PRKG1: variants seen among roughly 807,000 people sequenced by gnomAD.
The protein encoded by PRKG1 is protein kinase cGMP-dependent 1.
In PRKG1, 35 loss-of-function variants were observed where a neutral mutation model predicts 88.1. The observed-to-expected ratio is 0.40, with a 90% CI of 0.30 to 0.53. The LOEUF (loss-of-function observed/expected upper bound fraction) is 0.53, where lower values mean the gene tolerates loss of function less well. PRKG1 is among the 20% of genes least tolerant of loss of function. PRKG1 has a pLI of 0.59. For missense variants in PRKG1, 540 were observed against 839.8 expected, an observed-to-expected ratio of 0.64 and a Z score of 4.41; for synonymous variants, 303 against 292.5, an observed-to-expected ratio of 1.04 and a Z score of -0.37.
intron 2 of PRKG1, among the ~76,000 whole-genome samples, chr10:51,216,345 G>A (rs2132082197): frequency 6.6e-6 from 1 of 152,258 alleles, no homozygotes; most frequent in South Asian, 2.1e-4. Context: ...ACATGTTATT[G>A]CTCCCATTTT....
At position 51,053,284 on chromosome 10, in the gene PRKG1, CATAA is replaced by C. The variant is rs1843588364; in HGVS notation, c.266+61641_266+61644del. ...AAAAAACCATTTTCCACCGCCACCT[CATAA>C]TTCTAAGCACTAATTACTGTTCCCA... On this transcript the variant is annotated intron_variant, in intron 1 of 17. Transcript: ENST00000401604. Among the ~76,000 whole-genome samples, 3 of 151,902 alleles carry C rather than the reference CATAA, an allele frequency of 2.0e-5. No homozygotes were observed. The South Asian group carries it at 6.2e-4, about 32-fold the overall frequency.
chr10:51,674,417 A>G (rs183780919), intron 3 of PRKG1, among the ~76,000 whole-genome samples: 1 of 152,162 alleles, frequency 6.6e-6, no homozygotes, highest in East Asian at 1.9e-4. Flanking sequence ...GGTGTTTGGC[A>G]TAGGACTGGG....
intron 1 of PRKG1, among the ~76,000 whole-genome samples, chr10:51,088,053 C>G (rs1487511018): frequency 6.6e-6 from 1 of 152,196 alleles, no homozygotes. Flanking sequence ...GGGTGAGCCA[C>G]TGTATCCAAC....
chr10:51,712,580 C>CTTTTTTT (rs60053336), intron 3 of PRKG1, among the ~76,000 whole-genome samples: 3 of 96,006 alleles, frequency 3.1e-5, no homozygotes, highest in African/African-American at 4.1e-5. Flanking sequence ...AATATTATTC[C>CTTTTTTT]TTTTTTTTTT....
intron 1 of PRKG1, among the ~76,000 whole-genome samples, chr10:51,055,901 C>T (rs758646931): frequency 4.6e-5 from 7 of 152,138 alleles, no homozygotes; most frequent in Non-Finnish European, 8.8e-5. Context: ...CTGTTCCTTT[C>T]CTCCTTTTCT....
At chr10:51,672,090 A>G in intron 3 of PRKG1, among the ~76,000 whole-genome samples, 1 of 151,946 alleles carries the variant, frequency 6.6e-6, no homozygotes, top group Non-Finnish European at 1.5e-5. Flanking sequence ...ATATTTTTAC[A>G]TGTGGATTTC....
rs1564564445 is a variant in PRKG1 at position 50,991,926 on chromosome 10, C to A, written c.266+282C>A. ...GGAGGAGGACCGCGGAAAGTTTACT[C>A]GCGCGGGCTAACTTGTGCCCTCCAC... On this transcript the variant is annotated intron_variant, in intron 1 of 17. Coordinates refer to the PRKG1 transcript ENST00000401604. The surrounding 1 kb of genome is among the most constrained non-coding windows in gnomAD (Gnocchi z 4.5). Among the ~76,000 whole-genome samples, 1 of 151,898 alleles carries A rather than the reference C, an allele frequency of 6.6e-6. No homozygotes were observed. Among genetic ancestry groups the A allele is most frequent in the Non-Finnish European group, 1.5e-5 (1 of 67,942 alleles).
At chr10:51,474,137 GTGT>G (rs931431181) in intron 3 of PRKG1, among the ~76,000 whole-genome samples, 3 of 152,020 alleles carry the variant, frequency 2.0e-5, no homozygotes, top group Admixed American at 2.0e-4. Context: ...TTAGGGATGG[GTGT>G]TGTTGTTACC....
intron 7 of PRKG1, among the ~76,000 whole-genome samples, chr10:52,133,401 A>C (rs543859252): frequency 6.6e-6 from 1 of 152,148 alleles, no homozygotes; most frequent in African/African-American, 2.4e-5. Context: ...TAAGGAAATA[A>C]TTTAAACAGA....
chr10:51,501,911 A>C (rs573953471), intron 3 of PRKG1, among the ~76,000 whole-genome samples: 1 of 151,726 alleles, frequency 6.6e-6, no homozygotes, highest in African/African-American at 2.4e-5. Flanking sequence ...GATCGTGATA[A>C]GAAGGTATCT....
chr10:51,686,281 T>C (rs1840988592), intron 3 of PRKG1, among the ~76,000 whole-genome samples: 1 of 152,196 alleles, frequency 6.6e-6, no homozygotes, highest in Non-Finnish European at 1.5e-5. Context: ...AAGGCATTTT[T>C]TTCTGATCCT....
At position 50,991,357 on chromosome 10, in the gene PRKG1, C is replaced by T. The variant is rs766425109; in HGVS notation, c.-22C>T. The T allele has an allele frequency of 9.3e-6, 14 of 1,497,722 alleles. No homozygotes were observed. In the East Asian group the frequency reaches 3.4e-4, roughly 36 times the overall value. 92.8% of individuals were successfully genotyped at this position (1,497,722 alleles called of 1,614,324 possible). A position where few individuals can be genotyped will look rare whatever the true frequency, so the allele number is the denominator to read the frequency against. ...GCCGCCGCCGCCCGAGAAAAAGTTTCGCGGAGGGGCTCAGTGAAAAAATGA... is the reference window on the plus strand; with the variant it reads ...GCCGCCGCCGCCCGAGAAAAAGTTTTGCGGAGGGGCTCAGTGAAAAAATGA... On this transcript the variant is annotated 5_prime_UTR_variant, in exon 1 of 18. Transcript: ENST00000401604. This position sits in a 1 kb window ranked among gnomAD's most constrained non-coding sequence, Gnocchi z 4.5.
At chr10:52,286,787 C>T (rs1429716246) in intron 14 of PRKG1, among the ~76,000 whole-genome samples, 1 of 151,486 alleles carries the variant, frequency 6.6e-6, no homozygotes, top group Non-Finnish European at 1.5e-5. Context: ...TTAAGAAGCA[C>T]ACATATCTGA....
chr10:52,138,630 T>C (rs1837492907), intron 8 of PRKG1, among the ~76,000 whole-genome samples: 1 of 152,028 alleles, frequency 6.6e-6, no homozygotes, highest in Admixed American at 6.6e-5. Flanking sequence ...TGTTTTCTCA[T>C]ACCATGGGGC....
chr10:52,023,415 C>T (rs1845241034), intron 5 of PRKG1, among the ~76,000 whole-genome samples: 1 of 152,112 alleles, frequency 6.6e-6, no homozygotes, highest in Non-Finnish European at 1.5e-5. Context: ...ATTTATAATC[C>T]TTTGGGTGTA....
In PRKG1 at chr10:51,028,992, A is replaced by G. The variant is rs1009192576; in HGVS notation, c.266+37348A>G. Among the ~76,000 whole-genome samples, 15 of 152,182 alleles carry G rather than the reference A, an allele frequency of 9.9e-5. 1 individual carries two copies. Among genetic ancestry groups the G allele is most frequent in the Admixed American group, 9.8e-4 (15 of 15,250 alleles). ...GTTAACAGCTGTTCTCTCAAGGAAC[A>G]CAAGATAACTTCCTTCCACTCCTTT... is the stretch of plus-strand genomic sequence containing the variant. On this transcript the variant is annotated intron_variant, in intron 1 of 17. Coordinates refer to the PRKG1 transcript ENST00000401604.
intron 3 of PRKG1, among the ~76,000 whole-genome samples, chr10:51,543,229 A>G (rs1251232672): frequency 2.0e-5 from 3 of 152,220 alleles, no homozygotes; most frequent in Non-Finnish European, 4.4e-5. Flanking sequence ...CATTACAGTA[A>G]TTCATGATAT....
At chr10:51,037,617 C>T (rs1843367827) in intron 1 of PRKG1, among the ~76,000 whole-genome samples, 1 of 151,942 alleles carries the variant, frequency 6.6e-6, no homozygotes, top group African/African-American at 2.4e-5. Context: ...AACCCCATTT[C>T]TACTAAAAAT....
At chr10:51,620,823 G>A (rs1027780563) in intron 3 of PRKG1, among the ~76,000 whole-genome samples, 2 of 151,736 alleles carry the variant, frequency 1.3e-5, no homozygotes, top group South Asian at 2.1e-4. Context: ...CACATTGCAA[G>A]CAATGGATTA....
Sources: allele counts gnomAD v4.1 joint callset (sites outside exome capture counted in the v4.1 genomes callset), GRCh38; gene constraint gnomAD v4.1.1; non-coding constraint Gnocchi (gnomAD v3.1); transcripts MANE v1.5; gene names NCBI Gene and HGNC (gene_info 2026-07-23, HGNC 2026-07-21).